RNF150: variants seen among roughly 807,000 people sequenced by gnomAD.
RNF150 encodes ring finger protein 150.
RNF150 carries 24 observed loss-of-function variants against 39.3 expected under a neutral mutation model. The ratio of observed to expected loss-of-function variants is 0.61; its 90% CI spans 0.44 to 0.86. The LOEUF is 0.86. Ranked by LOEUF, RNF150 falls within the 40% of genes least tolerant of loss-of-function variation. RNF150 has a pLI of 0.00. For missense variants in RNF150, 502 were observed against 587.8 expected, an observed-to-expected ratio of 0.85 and a Z score of 1.51; for synonymous variants, 255 against 227.3, an observed-to-expected ratio of 1.12 and a Z score of -1.10.
chr4:141,044,037 T>C (rs141253719), intron 1 of RNF150, among the ~76,000 whole-genome samples: 1 of 152,190 alleles, frequency 6.6e-6, no homozygotes, highest in African/African-American at 2.4e-5. Flanking sequence ...GAAGTAAATG[T>C]ATTCTATTGA....
At chr4:141,097,511 T>A (rs192994379) in intron 1 of RNF150, among the ~76,000 whole-genome samples, 256 of 151,566 alleles carry the variant, frequency 1.7e-3, no homozygotes, top group Non-Finnish European at 3.0e-3. Flanking sequence ...TTTTTTTTTC[T>A]TAATAATACA....
chr4:140,961,560 T>C (rs1379594223), intron 2 of RNF150, among the ~76,000 whole-genome samples: 1 of 152,206 alleles, frequency 6.6e-6, no homozygotes, highest in Non-Finnish European at 1.5e-5. Flanking sequence ...CTGATGCTTA[T>C]TATAGCTATG....
chr4:140,899,601 C>T (rs1176700302), intron 6 of RNF150, among the ~76,000 whole-genome samples: 1 of 151,916 alleles, frequency 6.6e-6, no homozygotes, highest in Non-Finnish European at 1.5e-5. Context: ...GGGAACCTGG[C>T]TTGACTCTCA....
intron 1 of RNF150, among the ~76,000 whole-genome samples, chr4:141,068,688 T>G (rs1737560565): frequency 1.3e-5 from 2 of 150,070 alleles, no homozygotes; most frequent in Non-Finnish European, 3.0e-5. Context: ...TTCCTACCCA[T>G]GAGCATGGAA....
intron 1 of RNF150, among the ~76,000 whole-genome samples, chr4:141,026,255 A>G (rs1480239291): frequency 6.6e-6 from 1 of 152,216 alleles, no homozygotes; most frequent in Non-Finnish European, 1.5e-5. Context: ...CCCAGAATGA[A>G]TAGATCAAGG....
chr4:140,883,013 T>G (rs944068270), intron 6 of RNF150, among the ~76,000 whole-genome samples: 5 of 152,248 alleles, frequency 3.3e-5, no homozygotes, highest in African/African-American at 1.2e-4. Context: ...CATTTTTTTT[T>G]GTAGTGCTAT....
intron 1 of RNF150, 73 bp from the exon 2 acceptor site, chr4:140,967,946 G>T: frequency 7.3e-7 from 1 of 1,368,112 alleles, no homozygotes; most frequent in South Asian, 1.3e-5. Context: ...TGAGATGTGT[G>T]GACACAGTAA....
chr4:141,202,923 G>A (rs952666132), intron 1 of RNF150, among the ~76,000 whole-genome samples: 2 of 151,816 alleles, frequency 1.3e-5, no homozygotes, highest in Non-Finnish European at 2.9e-5. Flanking sequence ...ATCCTTAAGA[G>A]TATGAGATTT....
At chr4:140,879,128 G>A (rs1729281319) in intron 6 of RNF150, among the ~76,000 whole-genome samples, 1 of 152,092 alleles carries the variant, frequency 6.6e-6, no homozygotes, top group Admixed American at 6.5e-5. Flanking sequence ...GTACCATATT[G>A]TTTTGATTAC....
chr4:140,965,536 A>T (rs1733204873), intron 2 of RNF150, among the ~76,000 whole-genome samples: 1 of 152,160 alleles, frequency 6.6e-6, no homozygotes, highest in Non-Finnish European at 1.5e-5. Flanking sequence ...AAGAAAATGT[A>T]TATACATACA....
intron 1 of RNF150, among the ~76,000 whole-genome samples, chr4:141,145,511 A>G (rs1392369279): frequency 6.6e-6 from 1 of 152,218 alleles, no homozygotes; most frequent in Admixed American, 6.5e-5. Context: ...GTGAGTATGT[A>G]GGTGTAGGGA....
chr4:141,013,966 A>G (rs931396817), intron 1 of RNF150, among the ~76,000 whole-genome samples: 1 of 152,100 alleles, frequency 6.6e-6, no homozygotes, highest in Non-Finnish European at 1.5e-5. Context: ...CCTTTGATCA[A>G]CAACTCCCCA....
Position 141,160,806 on chromosome 4 carries a change from T to C in RNF150, c.-6+51988A>G, listed in dbSNP as rs535810628. ...ACCTTCTGCCGTGATTGAAAGTTTCTTGAAGCCTCCCCAGGAGCTGAGCAG... is the reference window on the plus strand; with the variant it reads ...ACCTTCTGCCGTGATTGAAAGTTTCCTGAAGCCTCCCCAGGAGCTGAGCAG... On this transcript the variant is annotated intron_variant, in intron 1 of 7. Coordinates refer to the RNF150 transcript ENST00000420921. Among the ~76,000 whole-genome samples, 4 of 152,356 alleles carry C rather than the reference T, an allele frequency of 2.6e-5. No individual in the cohort carries two copies. In the East Asian group the frequency reaches 5.8e-4, roughly 22 times the overall value.
chr4:141,206,575 A>G (rs903885815), intron 1 of RNF150, among the ~76,000 whole-genome samples: 1 of 152,058 alleles, frequency 6.6e-6, no homozygotes, highest in Non-Finnish European at 1.5e-5. Flanking sequence ...TCAAAATTTT[A>G]TAGATAATAG....
intron 1 of RNF150, among the ~76,000 whole-genome samples, chr4:141,111,610 G>A (rs142564087): frequency 4.6e-5 from 7 of 152,164 alleles, no homozygotes; most frequent in Non-Finnish European, 7.4e-5. Flanking sequence ...TGTTAAAATC[G>A]CAACAAAAGG....
chr4:141,126,810 C>G (rs1726766577), intron 1 of RNF150, among the ~76,000 whole-genome samples: 1 of 152,052 alleles, frequency 6.6e-6, no homozygotes, highest in African/African-American at 2.4e-5. Context: ...ATCAACTAAA[C>G]CAAACCTTGT....
chr4:141,078,870 T>TAC (rs1738034740), intron 1 of RNF150, among the ~76,000 whole-genome samples: 1 of 145,560 alleles, frequency 6.9e-6, no homozygotes, highest in South Asian at 2.1e-4. Context: ...CATATATATA[T>TAC]ACACACATAT....
At chr4:141,171,236 A>G (rs1469466711) in intron 1 of RNF150, among the ~76,000 whole-genome samples, 4 of 152,198 alleles carry the variant, frequency 2.6e-5, no homozygotes, top group South Asian at 2.1e-4. Flanking sequence ...GTTCCCAGTC[A>G]GTAGCAGAAT....
chr4:141,131,306 C>T (rs963905913), intron 1 of RNF150, among the ~76,000 whole-genome samples: 2 of 152,256 alleles, frequency 1.3e-5, no homozygotes, highest in Non-Finnish European at 2.9e-5. Context: ...CCCCTCCTTC[C>T]GGGCACTGGA....
Sources: gnomAD v4.1 joint callset for allele counts (sites outside exome capture counted in the v4.1 genomes callset) on GRCh38, gnomAD v4.1.1 for gene constraint, MANE v1.5 for transcripts, NCBI Gene and HGNC (gene_info 2026-07-23, HGNC 2026-07-21) for gene names.